PITPNC1: variants seen among roughly 807,000 people sequenced by gnomAD.
PITPNC1 encodes phosphatidylinositol transfer protein cytoplasmic 1.
Under a neutral mutation model 44.7 loss-of-function variants are expected in PITPNC1, and 18 were observed. The ratio of observed to expected loss-of-function variants is 0.40; its 90% CI spans 0.28 to 0.60. The LOEUF is 0.60. Among genes scored for constraint, PITPNC1 ranks in the 20% least tolerant of loss-of-function variants. PITPNC1 has a pLI of 0.39. For missense variants in PITPNC1, 290 were observed against 418.4 expected, an observed-to-expected ratio of 0.69 and a Z score of 2.68; for synonymous variants, 141 against 149.6, an observed-to-expected ratio of 0.94 and a Z score of 0.42.
At chr17:67,412,368 C>T (rs1191895871) in intron 1 of PITPNC1, among the ~76,000 whole-genome samples, 1 of 152,064 alleles carries the variant, frequency 6.6e-6, no homozygotes, top group African/African-American at 2.4e-5. Flanking sequence ...GCACAAGCTC[C>T]AGGAGCCTTG....
intron 1 of PITPNC1, among the ~76,000 whole-genome samples, chr17:67,484,713 G>T (rs1260466572): frequency 6.6e-6 from 1 of 152,088 alleles, no homozygotes; most frequent in Non-Finnish European, 1.5e-5. Context: ...CGAGGTGGGC[G>T]GATCACTTGA....
intron 1 of PITPNC1, among the ~76,000 whole-genome samples, chr17:67,469,192 A>T (rs1486822629): frequency 6.6e-6 from 1 of 152,180 alleles, no homozygotes; most frequent in Non-Finnish European, 1.5e-5. Flanking sequence ...CAGTCCCTGT[A>T]GTAGCCCCAG....
intron 8 of PITPNC1, among the ~76,000 whole-genome samples, chr17:67,686,848 T>C (rs2042825052): frequency 6.6e-6 from 1 of 152,276 alleles, no homozygotes; most frequent in Middle Eastern, 3.4e-3. Context: ...TAATTTCCAC[T>C]CTTCTCTGTT....
chr17:67,459,021 C>T (rs2143967610), intron 1 of PITPNC1, among the ~76,000 whole-genome samples: 1 of 151,778 alleles, frequency 6.6e-6, no homozygotes, highest in South Asian at 2.1e-4. Context: ...ACCCCTGTAC[C>T]AGGGGATGAT....
chr17:67,617,541 T>G (rs568020722), intron 5 of PITPNC1, among the ~76,000 whole-genome samples: 1 of 152,168 alleles, frequency 6.6e-6, no homozygotes, highest in African/African-American at 2.4e-5. Flanking sequence ...AGAGTTGTAA[T>G]AGTTTCCCAG....
intron 5 of PITPNC1, among the ~76,000 whole-genome samples, chr17:67,603,542 G>T (rs1317176233): frequency 1.3e-5 from 2 of 152,186 alleles, no homozygotes; most frequent in East Asian, 3.8e-4. Flanking sequence ...GCTAGCAAGT[G>T]TCAGATCTAG....
chr17:67,684,254 G>A (rs563784356), intron 8 of PITPNC1, among the ~76,000 whole-genome samples: 234 of 151,416 alleles, frequency 1.5e-3, no homozygotes, highest in African/African-American at 5.4e-3. Context: ...TGGGGGTTAC[G>A]GGTGTGTGCC....
chr17:67,613,862 G>A, intron 5 of PITPNC1: 1 of 130,962 alleles, frequency 7.6e-6, no homozygotes, highest in Non-Finnish European at 1.5e-5. Flanking sequence ...GGAGGTCAAT[G>A]CTGGAGGATC....
At chr17:67,565,642 A>T (rs60151223) in intron 4 of PITPNC1, among the ~76,000 whole-genome samples, 2,842 of 2,848 alleles carry the variant, frequency 1, 1,420 homozygotes, top group Middle Eastern at 1. Flanking sequence ...TGTTTTGCAG[A>T]GTGTGTACTA....
intron 5 of PITPNC1, among the ~76,000 whole-genome samples, chr17:67,593,588 G>A (rs1482201797): frequency 3.9e-5 from 6 of 152,050 alleles, no homozygotes; most frequent in Non-Finnish European, 8.8e-5. Context: ...TAGTAGAGAC[G>A]AGGTTTCACC....
intron 6 of PITPNC1, among the ~76,000 whole-genome samples, chr17:67,641,817 A>AATAAT (rs2042096345): frequency 6.7e-6 from 1 of 148,794 alleles, no homozygotes; most frequent in Non-Finnish European, 1.5e-5. Context: ...TAATAATAAT[A>AATAAT]ATAATAAGCG....
intron 1 of PITPNC1, among the ~76,000 whole-genome samples, chr17:67,483,575 G>A (rs1236980074): frequency 1.3e-5 from 2 of 152,166 alleles, no homozygotes; most frequent in African/African-American, 2.4e-5. Context: ...TATGATTCTG[G>A]TTTGATCGTT....
At chr17:67,610,649 G>T (rs773173263) in intron 5 of PITPNC1, among the ~76,000 whole-genome samples, 1 of 152,100 alleles carries the variant, frequency 6.6e-6, no homozygotes, top group South Asian at 2.1e-4. Context: ...TTAGCCGGGC[G>T]TGGTGGCTCA....
At chr17:67,683,162 CAAAAAAAAA>C (rs901577194) in intron 8 of PITPNC1, among the ~76,000 whole-genome samples, 3 of 41,526 alleles carry the variant, frequency 7.2e-5, no homozygotes, top group Non-Finnish European at 1.6e-4. Context: ...AACTGAGTCT[CAAAAAAAAA>C]AAAAAAAAAA....
chr17:67,447,089 C>CAAAAAAAAAAA (rs749024248), intron 1 of PITPNC1, among the ~76,000 whole-genome samples: 3 of 35,344 alleles, frequency 8.5e-5, no homozygotes, highest in East Asian at 1.4e-3. Context: ...GACTCTGTCT[C>CAAAAAAAAAAA]AAAAAAAAAA....
At chr17:67,473,432 C>T (rs1290808013) in intron 1 of PITPNC1, among the ~76,000 whole-genome samples, 1 of 151,744 alleles carries the variant, frequency 6.6e-6, no homozygotes, top group Non-Finnish European at 1.5e-5. Flanking sequence ...GGGTTCACGC[C>T]ATTCTCCTGC....
chr17:67,479,598 G>T (rs1003378062), intron 1 of PITPNC1, among the ~76,000 whole-genome samples: 1 of 152,088 alleles, frequency 6.6e-6, no homozygotes, highest in Non-Finnish European at 1.5e-5. Flanking sequence ...ATGCCATACG[G>T]CTTCTTGGAA....
chr17:67,450,047 C>T (rs1467525327), intron 1 of PITPNC1, among the ~76,000 whole-genome samples: 2 of 152,126 alleles, frequency 1.3e-5, no homozygotes, highest in Non-Finnish European at 2.9e-5. Context: ...AGCGCAGTAG[C>T]CAGTGATTAC....
At chr17:67,468,729 T>C (rs1245831933) in intron 1 of PITPNC1, among the ~76,000 whole-genome samples, 1 of 102,844 alleles carries the variant, frequency 9.7e-6, no homozygotes, top group Non-Finnish European at 1.8e-5. Flanking sequence ...CGGAGTCTTG[T>C]TCTGTTGCCC....
Sources: allele counts gnomAD v4.1 joint callset (sites outside exome capture counted in the v4.1 genomes callset), GRCh38; gene constraint gnomAD v4.1.1; transcripts MANE v1.5; gene names NCBI Gene and HGNC (gene_info 2026-07-23, HGNC 2026-07-21).